Variants in FBXL3 observed in about 807,000 individuals in gnomAD.
FBXL3 encodes F-box and leucine rich repeat protein 3.
Under a neutral mutation model 37.9 loss-of-function variants are expected in FBXL3, and 14 were observed. That is an observed-to-expected ratio of 0.37 (90% confidence interval 0.24 to 0.58). The LOEUF (loss-of-function observed/expected upper bound fraction) is 0.58, where lower values mean the gene tolerates loss of function less well. Among genes scored for constraint, FBXL3 ranks in the 20% least tolerant of loss-of-function variants. The pLI, the probability that FBXL3 is intolerant of heterozygous loss-of-function variation, is 0.74. For synonymous variants in FBXL3, 194 were observed against 180.1 expected, an observed-to-expected ratio of 1.08 and a Z score of -0.62; for missense variants, 327 against 511.1, an observed-to-expected ratio of 0.64 and a Z score of 3.47.
chr13:77,016,269 T>C (rs192867017), intron 3 of FBXL3: 111 of 152,298 alleles, frequency 7.3e-4, no homozygotes, highest in African/African-American at 2.5e-3. Flanking sequence ...ACACGTTATA[T>C]ATCTGTTGGA....
Position 77,005,832 on chromosome 13 carries a change from T to C in FBXL3, c.*1313A>G, listed in dbSNP as rs2034442190. On this transcript the variant is annotated 3_prime_UTR_variant, in exon 5 of 5. Coordinates refer to ENST00000355619, the MANE Select transcript of FBXL3 (RefSeq NM_012158.4). ...TCATTTCTGATTTCCCTCAGGAGGGTAGTAATATCTACTAGCACTAGTGCC... is the reference window on the plus strand; with the variant it reads ...TCATTTCTGATTTCCCTCAGGAGGGCAGTAATATCTACTAGCACTAGTGCC... 1.3e-5 allele frequency: 2 copies of C among 152,144 alleles called. No individual in the cohort carries two copies. Among genetic ancestry groups the C allele is most frequent in the South Asian group, 4.1e-4 (2 of 4,832 alleles). 9.4% of individuals were successfully genotyped at this position (152,144 alleles called of 1,614,324 possible). A position where few individuals can be genotyped will look rare whatever the true frequency, so the allele number is the denominator to read the frequency against.
chr13:77,024,217 T>C (rs1342214661), intron 1 of FBXL3, among the ~76,000 whole-genome samples: 2 of 152,218 alleles, frequency 1.3e-5, no homozygotes, highest in Non-Finnish European at 2.9e-5. Flanking sequence ...GAGGCTGAGA[T>C]AACACTGTTA....
chr13:77,007,717 C>T lies in FBXL3; in HGVS notation c.715G>A (p.Glu239Lys). ...TCAGAAGACAATGCAAGTAACAACT[C>T]ATCACTCAATAAGTGGTAGTTCAGG... ...LALNYHLLSD[E>K]LLLALSSEKH... is the part of the protein sequence containing the mutation. The change falls in exon 5 of 5, where the codon GAG becomes AAG. Residue 239 changes from glutamate to lysine, a missense_variant. Glu to Lys is a moderately conservative substitution (Grantham distance 56). Coordinates refer to ENST00000355619, the MANE Select transcript of FBXL3 (RefSeq NM_012158.4). 1 of 1,614,046 alleles carries T rather than the reference C, an allele frequency of 6.2e-7. No individual in the cohort carries two copies. The highest frequency in any genetic ancestry group is 8.5e-7 in the Non-Finnish European group (1 of 1,179,994).
chr13:77,019,975 A>C (rs530846794), intron 2 of FBXL3, among the ~76,000 whole-genome samples: 2 of 152,208 alleles, frequency 1.3e-5, no homozygotes, highest in South Asian at 2.1e-4. Context: ...CTGGACTTTA[A>C]GACCTATCAG....
intron 3 of FBXL3, chr13:77,018,020 T>C (rs1179693863): frequency 6.6e-6 from 1 of 151,764 alleles, no homozygotes; most frequent in African/African-American, 2.4e-5. Context: ...TTTTTGTATT[T>C]TAAGAGAATA....
At chr13:77,022,448 T>C (rs555491378) in intron 1 of FBXL3, among the ~76,000 whole-genome samples, 13 of 152,292 alleles carry the variant, frequency 8.5e-5, no homozygotes, top group South Asian at 2.1e-4. Flanking sequence ...TAGATTCTCA[T>C]AGGAGTGAGA....
At chr13:77,020,281 C>T (rs1352427147) in intron 2 of FBXL3, among the ~76,000 whole-genome samples, 1 of 152,032 alleles carries the variant, frequency 6.6e-6, no homozygotes, top group Non-Finnish European at 1.5e-5. Context: ...ATTGATTATC[C>T]GAAATTCAAA....
chr13:77,008,405 T>C (rs2034489728), intron 4 of FBXL3, among the ~76,000 whole-genome samples: 1 of 152,198 alleles, frequency 6.6e-6, no homozygotes, highest in South Asian at 2.1e-4. Flanking sequence ...AATGGAAATA[T>C]TCATTATGAC....
intron 3 of FBXL3, chr13:77,016,919 TTAAC>T (rs1364427583): frequency 3.3e-5 from 5 of 152,188 alleles, no homozygotes; most frequent in African/African-American, 9.7e-5. Flanking sequence ...GATAAACTAT[TTAAC>T]TACTTAAATG....
At chr13:77,008,248 G>C (rs9544413) in intron 4 of FBXL3, among the ~76,000 whole-genome samples, 1 of 152,050 alleles carries the variant, frequency 6.6e-6, no homozygotes, top group Non-Finnish European at 1.5e-5. Flanking sequence ...CTATGAATTA[G>C]GTAATGAAAG....
In FBXL3 at chr13:77,023,007, A is replaced by G. The variant is rs535602456; in HGVS notation, c.-1-1146T>C. Among the ~76,000 whole-genome samples, 124 of 152,298 alleles carry G rather than the reference A, an allele frequency of 8.1e-4. 1 individual carries two copies. The highest frequency in any genetic ancestry group is 6.8e-3 in the Middle Eastern group (2 of 294). On this transcript the variant is annotated intron_variant, in intron 1 of 4. Coordinates refer to ENST00000355619, the MANE Select transcript of FBXL3 (RefSeq NM_012158.4). The stretch of plus-strand genomic sequence containing the variant: ...ACTATTAAGGCTTTTCAAAGGGGAG[A>G]TACGACTGTTGAACTGTTGAGATAT...
intron 3 of FBXL3, 96 bp from the exon 4 acceptor site, chr13:77,015,676 A>T (rs1001792121): frequency 1.0e-5 from 8 of 765,574 alleles, no homozygotes; most frequent in Non-Finnish European, 1.3e-5. Context: ...AACCATAATG[A>T]CATATTAATA....
At chr13:77,021,963 A>C in intron 1 of FBXL3, 102 bp from the exon 2 acceptor site, 2 of 910,384 alleles carry the variant, frequency 2.2e-6, no homozygotes, top group Non-Finnish European at 3.3e-6. Flanking sequence ...TATATACACA[A>C]ACATGCAGGA....
intron 4 of FBXL3, chr13:77,010,959 T>A (rs962293577): frequency 6.6e-6 from 1 of 152,148 alleles, no homozygotes; most frequent in African/African-American, 2.4e-5. Flanking sequence ...TTCCAAGTAT[T>A]TAAAAACATA....
In FBXL3 at chr13:77,007,063, G is replaced by A; in HGVS notation, c.*82C>T. On this transcript the variant is annotated 3_prime_UTR_variant, in exon 5 of 5. Transcript: ENST00000355619. Reference sequence around the variant, plus strand: ...CAAATTTCTGTGCCACAAAATAGTAGAATTATATCAGAACTACAGCAAATA... The same window carrying A: ...CAAATTTCTGTGCCACAAAATAGTAAAATTATATCAGAACTACAGCAAATA... 2 of 1,489,100 alleles carry A rather than the reference G, an allele frequency of 1.3e-6. No individual in the cohort carries two copies. Among genetic ancestry groups the A allele is most frequent in the African/African-American group, 1.4e-5 (1 of 70,744 alleles). The allele number at this position is 1,489,100 out of a possible 1,614,324, so 92.2% of individuals were successfully genotyped here.
At chr13:77,024,281 T>C (rs1211742720) in intron 1 of FBXL3, among the ~76,000 whole-genome samples, 2 of 152,194 alleles carry the variant, frequency 1.3e-5, no homozygotes, top group African/African-American at 2.4e-5. Context: ...TTAATTTTAG[T>C]ATATAAAATT....
chr13:77,025,006 CTACTT>C (rs1260889782), intron 1 of FBXL3, among the ~76,000 whole-genome samples: 1 of 152,162 alleles, frequency 6.6e-6, no homozygotes, highest in African/African-American at 2.4e-5. Flanking sequence ...AAAATTTACA[CTACTT>C]TAATAGTATC....
rs2034684231 is a variant in FBXL3 at position 77,018,495 on chromosome 13, T to C, written c.471+105A>G. The C allele has an allele frequency of 6.5e-6, 5 of 771,052 alleles. No individual in the cohort carries two copies. In the East Asian group the frequency reaches 1.6e-4, roughly 25 times the overall value. The allele number at this position is 771,052 out of a possible 1,614,324, so 47.8% of individuals were successfully genotyped here. On this transcript the variant is annotated intron_variant, in intron 3 of 4. Transcript: ENST00000355619. ...AAATAGTAACTGGTTTTCCATTATG[T>C]ATATATATAACTTTCCTTATACTCA...
At chr13:77,022,703 T>C (rs1375174174) in intron 1 of FBXL3, among the ~76,000 whole-genome samples, 1 of 152,226 alleles carries the variant, frequency 6.6e-6, no homozygotes, top group Non-Finnish European at 1.5e-5. Context: ...TCACTTAATA[T>C]TGCACTGTTT....
Sources: gnomAD v4.1 joint callset for allele counts (sites outside exome capture counted in the v4.1 genomes callset) on GRCh38, gnomAD v4.1.1 for gene constraint, MANE v1.5 for transcripts, NCBI Gene and HGNC (gene_info 2026-07-23, HGNC 2026-07-21) for gene names.